The following DOCK6 variants were observed in gnomAD, a reference collection of about 807,000 sequenced individuals.
DOCK6 encodes the protein dedicator of cytokinesis protein 6.
In DOCK6, 167 loss-of-function variants were observed where a neutral mutation model predicts 230.3. The observed-to-expected ratio is 0.73, with a 90% CI of 0.64 to 0.82. The LOEUF (loss-of-function observed/expected upper bound fraction) is 0.82. Among genes scored for constraint, DOCK6 ranks in the 40% least tolerant of loss-of-function variants. The probability of loss-of-function intolerance (pLI) is 0.00; values close to 1 mark genes in which losing one functional copy is unlikely to be tolerated. For missense variants in DOCK6, 2,598 were observed against 2,825.8 expected (o/e 0.92, Z 1.83); for synonymous variants, 1,148 against 1,185.0 (o/e 0.97, Z 0.64).
chr19:11,227,192 CA>C (rs2079679235), intron 24 of DOCK6, 144 bp downstream of exon 24: 2 of 1,155,990 alleles, frequency 1.7e-6, no homozygotes, highest in Non-Finnish European at 2.4e-6. Flanking sequence ...ACTTAAGAAA[CA>C]GACAATGAAT....
intron 34 of DOCK6, among the ~76,000 whole-genome samples, chr19:11,213,612 C>CTTT (rs566375291): frequency 1.4e-5 from 2 of 139,000 alleles, no homozygotes; most frequent in Admixed American, 7.3e-5. Context: ...GAATGAGCTC[C>CTTT]TTTTTTTTTT....
intron 1 of DOCK6, among the ~76,000 whole-genome samples, chr19:11,257,345 T>C (rs1441523631): frequency 1.4e-5 from 2 of 147,858 alleles, no homozygotes; most frequent in African/African-American, 2.5e-5. Context: ...CAACCATGAG[T>C]GTCAGGCATG....
chr19:11,260,356 G>A (rs1344685972), intron 1 of DOCK6, among the ~76,000 whole-genome samples: 3 of 152,096 alleles, frequency 2.0e-5, no homozygotes, highest in Admixed American at 6.6e-5. Flanking sequence ...GAGGCAGGAG[G>A]ATCACTTGAG....
intron 6 of DOCK6, 132 bp from the exon 7 acceptor site, chr19:11,248,283 T>C: frequency 1.5e-6 from 1 of 653,864 alleles, no homozygotes; most frequent in Non-Finnish European, 2.6e-6. Context: ...CCTCTGAGCC[T>C]TTACACGTGC....
rs372253487 is a variant in DOCK6, at chr19:11,214,437, G to T, written c.4204-28C>A. Reference sequence around the variant, plus strand: ...GGAGGGAAGGGGGTCAGAAATCCAGGTGTTAGAGCCTAGGGTGGTTATGGG... The same window carrying T: ...GGAGGGAAGGGGGTCAGAAATCCAGTTGTTAGAGCCTAGGGTGGTTATGGG... On this transcript the variant is annotated intron_variant, in intron 33 of 47. Transcript: ENST00000294618. 1.1e-4 allele frequency: 171 copies of T among 1,613,674 alleles called. No homozygotes were observed. The African/African-American group carries it at 1.9e-3, about 18-fold the overall frequency.
rs140970092 is a variant in DOCK6 at position 11,230,335 on chromosome 19, G to A, written c.2719-1300C>T. ...GCCTGAGTGATAAGAGCGAGACTCC[G>A]TCTCAAAAAAAAAAGAACGTGATGG... On this transcript the variant is annotated intron_variant, in intron 22 of 47. Transcript: ENST00000294618. Among the ~76,000 whole-genome samples, 899 of 151,750 alleles carry A rather than the reference G, an allele frequency of 5.9e-3. 8 individuals carry two copies. The highest frequency in any genetic ancestry group is 0.021 in the African/African-American group (853 of 41,392).
Position 11,250,999 on chromosome 19 carries a change from C to T in DOCK6, c.595G>A (p.Ala199Thr). The change falls in exon 6 of 48, where the codon GCT (alanine) becomes ACT (threonine). Residue 199 changes from alanine (A) to threonine (T), a missense_variant. By Grantham distance (58) the Ala-to-Thr change is moderately conservative (BLOSUM62 0). Coordinates refer to ENST00000294618, the MANE Select transcript of DOCK6 (RefSeq NM_020812.4). ...AGCAGAGAGGGCAGCAATGAGTCAG[C>T]TGCCAGGTTCCTCAGGTCGAAGATG... ...SSIFDLRNLA[A>T]DSLLPSLLER... 6.2e-7 allele frequency: 1 copy of T among 1,613,874 alleles called. No homozygotes were observed. The highest frequency in any genetic ancestry group is 8.5e-7 in the Non-Finnish European group (1 of 1,179,870).
At chr19:11,242,849 C>CCA (rs2079968516) in intron 13 of DOCK6, among the ~76,000 whole-genome samples, 1 of 152,200 alleles carries the variant, frequency 6.6e-6, no homozygotes, top group Non-Finnish European at 1.5e-5. Context: ...CTGCCATTAA[C>CCA]CACCTATTGA....
intron 14 of DOCK6, chr19:11,239,649 T>G (rs912202472): frequency 6.2e-7 from 1 of 1,613,736 alleles, no homozygotes; most frequent in Admixed American, 1.7e-5. Flanking sequence ...TGCCAGTGCC[T>G]GCTCTGTGCC....
Position 11,216,975 on chromosome 19 carries a change from A to G in DOCK6, c.3833T>C (p.Leu1278Pro). Residue 1278 changes from leucine to proline, a missense_variant, in exon 30 of 48, where the codon CTC (leucine) becomes CCC (proline). Physicochemically the swap from Leu to Pro is moderately conservative, Grantham distance 98. Coordinates refer to ENST00000294618, the MANE Select transcript of DOCK6 (RefSeq NM_020812.4). ...ATCCAACAGACGTCCCAGCTGGGGG[A>G]GTGTCAGGTCAGTGGCCCAGCGCTG... ...LLQRWATDLT[L>P]PQLGRLLDLL... 6.2e-7 allele frequency: 1 copy of G among 1,613,640 alleles called. No homozygotes were observed.
chr19:11,245,856 T>C lies in DOCK6; in HGVS notation c.829A>G (p.Ile277Val). 6.4e-7 allele frequency: 1 copy of C among 1,567,986 alleles called. No homozygotes were observed. Among genetic ancestry groups the C allele is most frequent in the East Asian group, 2.4e-5 (1 of 42,438 alleles). The stretch of plus-strand genomic sequence containing the variant: ...TCATACAGAGCCAAGATCCCAAAGA[T>C]GGGCTCAATTTCAATCTCGAACCTA... ...SLKFEIEIEPIFGILALYDVR... is the reference protein window; with the variant it reads ...SLKFEIEIEPVFGILALYDVR... Residue 277 changes from isoleucine (I) to valine (V), a missense_variant, in exon 8 of 48, where the codon ATC (isoleucine) becomes GTC (valine). Coordinates refer to ENST00000294618, the MANE Select transcript of DOCK6 (RefSeq NM_020812.4).
chr19:11,240,997 C>G (rs1247670647), intron 14 of DOCK6, among the ~76,000 whole-genome samples: 1 of 151,894 alleles, frequency 6.6e-6, no homozygotes. Flanking sequence ...GTAATCCCAG[C>G]ACTTTGGGTA....
At chr19:11,211,351 C>A (rs1243080829) in intron 37 of DOCK6, among the ~76,000 whole-genome samples, 1 of 151,836 alleles carries the variant, frequency 6.6e-6, no homozygotes, top group South Asian at 2.1e-4. Flanking sequence ...AATGGGTCTA[C>A]TCTCTGGATC....
At chr19:11,215,659 T>C in intron 31 of DOCK6, 142 bp downstream of exon 31, 4 of 1,423,914 alleles carry the variant, frequency 2.8e-6, no homozygotes, top group Non-Finnish European at 3.9e-6. Flanking sequence ...CAGGCGCATG[T>C]GTACGGTGAT....
Position 11,201,932 on chromosome 19 carries a change from A to T in DOCK6, c.5645T>A (p.Phe1882Tyr), listed in dbSNP as rs760235529. The T allele has an allele frequency of 1.3e-6, 2 of 1,551,490 alleles. No homozygotes were observed. Among genetic ancestry groups the T allele is most frequent in the Non-Finnish European group, 1.7e-6 (2 of 1,146,520 alleles). ...ACGGATGCGAGTCTTGATGTAGGGG[A>T]AGGCGTGGTCGGTGCTGAGCAGCGT... ...RKTLLSTDHA[F>Y]PYIKTRIRVC... The change falls in exon 44 of 48, where the codon TTC (phenylalanine) becomes TAC (tyrosine). Residue 1882 changes from phenylalanine (F) to tyrosine (Y), a missense_variant. Physicochemically the swap from Phe to Tyr is conservative, Grantham distance 22. Coordinates refer to ENST00000294618, the MANE Select transcript of DOCK6 (RefSeq NM_020812.4). This position sits in a 1 kb window ranked among gnomAD's most constrained non-coding sequence, Gnocchi z 4.3.
intron 1 of DOCK6, among the ~76,000 whole-genome samples, chr19:11,254,904 C>T (rs901149349): frequency 7.9e-5 from 12 of 152,230 alleles, no homozygotes; most frequent in Admixed American, 5.2e-4. Context: ...GTTCGGGCTC[C>T]GTGCTTTGAG....
intron 9 of DOCK6, among the ~76,000 whole-genome samples, 184 bp from the exon 10 acceptor site, chr19:11,244,066 G>C (rs1356729155): frequency 1.3e-5 from 2 of 151,708 alleles, no homozygotes; most frequent in African/African-American, 4.9e-5. Flanking sequence ...TGGCCTGCCT[G>C]GTGGCTACTC....
intron 1 of DOCK6, among the ~76,000 whole-genome samples, chr19:11,259,329 A>C (rs1413437420): frequency 6.6e-6 from 1 of 152,032 alleles, no homozygotes; most frequent in Non-Finnish European, 1.5e-5. Flanking sequence ...TACCTGGCCC[A>C]AAATTTGTAG....
At chr19:11,228,860 C>T in intron 23 of DOCK6, 80 bp downstream of exon 23, 1 of 1,409,914 alleles carries the variant, frequency 7.1e-7, no homozygotes, top group Non-Finnish European at 9.9e-7. Flanking sequence ...CTATGCCTGG[C>T]CAGGGGGCTT....
Sources: gnomAD v4.1 joint callset for allele counts (sites outside exome capture counted in the v4.1 genomes callset) on GRCh38, gnomAD v4.1.1 for gene constraint, Gnocchi (gnomAD v3.1) non-coding constraint, MANE v1.5 for transcripts, NCBI Gene and HGNC (gene_info 2026-07-23, HGNC 2026-07-21) for gene names.